The following PITPNA variants were observed in gnomAD, a reference collection of about 807,000 sequenced individuals.
PITPNA encodes the protein phosphatidylinositol transfer protein alpha isoform.
Under a neutral mutation model 50.3 loss-of-function variants are expected in PITPNA, and 13 were observed. The ratio of observed to expected loss-of-function variants is 0.26; its 90% CI spans 0.17 to 0.41. The LOEUF is 0.41. Among genes scored for constraint, PITPNA ranks in the 10% least tolerant of loss-of-function variants. The probability of loss-of-function intolerance (pLI) is 1.00; values close to 1 mark genes in which losing one functional copy is unlikely to be tolerated. For missense variants in PITPNA, 207 were observed against 333.4 expected, an observed-to-expected ratio of 0.62 and a Z score of 2.95; for synonymous variants, 120 against 119.6, an observed-to-expected ratio of 1.00 and a Z score of -0.02.
chr17:1,562,714 C>G lies in PITPNA; in HGVS notation c.-154G>C, dbSNP rs2075774813. ...GCCGCCCTCGCCGCGGTCGCCGCGC[C>G]GGCTCCTGCCGCCCGGGCCTCGTCG... On this transcript the variant is annotated 5_prime_UTR_variant, in exon 1 of 12. Transcript: ENST00000313486. The surrounding 1 kb of genome is among the most constrained non-coding windows in gnomAD (Gnocchi z 6.4). 1 of 323,084 alleles carries G rather than the reference C, an allele frequency of 3.1e-6. No individual in the cohort carries two copies. The highest frequency in any genetic ancestry group is 4.5e-6 in the Non-Finnish European group (1 of 220,266). The allele number at this position is 323,084 out of a possible 1,614,324, so 20.0% of individuals were successfully genotyped here.
Position 1,553,168 on chromosome 17 carries a change from T to C in PITPNA, c.52-19A>G. On this transcript the variant is annotated intron_variant, in intron 2 of 11. Coordinates refer to ENST00000313486, the MANE Select transcript of PITPNA (RefSeq NM_006224.4). ...CTTGATACTAAAGGACAGAGACAGATGTTATTCTCAACACGGACCCTTCTC... is the reference window on the plus strand; with the variant it reads ...CTTGATACTAAAGGACAGAGACAGACGTTATTCTCAACACGGACCCTTCTC... 2 of 1,613,620 alleles carry C rather than the reference T, an allele frequency of 1.2e-6. No individual in the cohort carries two copies. Among genetic ancestry groups the C allele is most frequent in the Non-Finnish European group, 1.7e-6 (2 of 1,179,722 alleles).
intron 10 of PITPNA, among the ~76,000 whole-genome samples, chr17:1,525,944 A>G (rs1335850773): frequency 6.6e-6 from 1 of 152,254 alleles, no homozygotes; most frequent in Non-Finnish European, 1.5e-5. Context: ...GCTCTATCCT[A>G]TGAGAAGGTC....
At chr17:1,543,821 C>T (rs373443997) in intron 4 of PITPNA, among the ~76,000 whole-genome samples, 7 of 152,292 alleles carry the variant, frequency 4.6e-5, no homozygotes, top group Admixed American at 1.3e-4. Context: ...CCATACCCAA[C>T]GAAAGACACT....
intron 1 of PITPNA, among the ~76,000 whole-genome samples, chr17:1,558,770 C>A (rs79806512): frequency 6.1e-5 from 1 of 16,470 alleles, no homozygotes; most frequent in Non-Finnish European, 1.3e-4. Flanking sequence ...TGTGACAACA[C>A]CCCCCCCCCG....
intron 1 of PITPNA, among the ~76,000 whole-genome samples, chr17:1,560,476 G>A (rs553001180): frequency 6.6e-6 from 1 of 152,322 alleles, no homozygotes; most frequent in South Asian, 2.1e-4. Flanking sequence ...GCAGATACCA[G>A]GCAGGCCCTG....
chr17:1,540,365 A>G (rs531158905), intron 6 of PITPNA, among the ~76,000 whole-genome samples: 1 of 152,290 alleles, frequency 6.6e-6, no homozygotes, highest in Non-Finnish European at 1.5e-5. Flanking sequence ...TCCCCAGTCT[A>G]GTAACAGCCA....
rs2075512738 is a variant in PITPNA at position 1,521,559 on chromosome 17, G to C, written c.*22+20C>G. The C allele has an allele frequency of 6.4e-6, 10 of 1,566,632 alleles. No individual in the cohort carries two copies. Among genetic ancestry groups the C allele is most frequent in the Non-Finnish European group, 8.8e-6 (10 of 1,136,608 alleles). ...GATTTTAGCGTCTGTGACACGCACAGTGAGAAATTTGGTACGTACAGTGCA... is the reference window on the plus strand; with the variant it reads ...GATTTTAGCGTCTGTGACACGCACACTGAGAAATTTGGTACGTACAGTGCA... On this transcript the variant is annotated intron_variant, in intron 11 of 11. Transcript: ENST00000313486.
At chr17:1,554,332 C>T (rs2075724316) in intron 2 of PITPNA, among the ~76,000 whole-genome samples, 1 of 150,356 alleles carries the variant, frequency 6.7e-6, no homozygotes, top group Non-Finnish European at 1.5e-5. Context: ...CAAAGGGTTT[C>T]CTCGAGCTCT....
chr17:1,534,289 T>A lies in PITPNA; in HGVS notation c.646-68A>T, dbSNP rs188194986. On this transcript the variant is annotated intron_variant, in intron 9 of 11. Coordinates refer to ENST00000313486, the MANE Select transcript of PITPNA (RefSeq NM_006224.4). ...GCTGCTGCCACAGCCCTTCTCTCCA[T>A]GCACTCCACACGAATACCCACACTA... The A allele has an allele frequency of 4.4e-6, 7 of 1,598,616 alleles. No individual in the cohort carries two copies. The East Asian group carries it at 1.6e-4, about 36-fold the overall frequency.
chr17:1,542,161 C>G (rs1050365385), intron 5 of PITPNA, among the ~76,000 whole-genome samples: 3 of 151,432 alleles, frequency 2.0e-5, no homozygotes, highest in African/African-American at 7.3e-5. Context: ...GATTGCACCA[C>G]TGCACTCCAG....
rs192655577 is a variant in PITPNA at position 1,518,115 on chromosome 17, G to A, written c.*2446C>T. On this transcript the variant is annotated 3_prime_UTR_variant, in exon 12 of 12. Transcript: ENST00000313486. ...TAATCAATTCTACAAAGTGTAGTTT[G>A]TAAAACAAGTAGCACTAGGAACCAA... is the stretch of plus-strand genomic sequence containing the variant. 6.5e-5 allele frequency: 10 copies of A among 152,770 alleles called. No homozygotes were observed. The East Asian group carries it at 1.7e-3, about 26-fold the overall frequency. 9.5% of individuals were successfully genotyped at this position (152,770 alleles called of 1,614,324 possible).
chr17:1,528,738 T>TA (rs58531367), intron 10 of PITPNA, among the ~76,000 whole-genome samples: 4,445 of 139,626 alleles, frequency 0.032, 220 homozygotes, highest in African/African-American at 0.1. Flanking sequence ...CTGTCTCTCT[T>TA]AAAAAAAAAA....
chr17:1,524,570 T>C (rs2075535634), intron 10 of PITPNA, among the ~76,000 whole-genome samples: 2 of 152,048 alleles, frequency 1.3e-5, no homozygotes, highest in African/African-American at 2.4e-5. Context: ...TAAGCCCCAA[T>C]TTCTATAATA....
chr17:1,522,071 C>CTTTTCCTTTTTTTT (rs751204255), intron 10 of PITPNA, among the ~76,000 whole-genome samples: 1 of 141,618 alleles, frequency 7.1e-6, no homozygotes, highest in Non-Finnish European at 1.5e-5. Context: ...TATGAAACAT[C>CTTTTCCTTTTTTTT]TTTTTTTTTT....
intron 10 of PITPNA, among the ~76,000 whole-genome samples, chr17:1,522,702 C>T (rs1321808830): frequency 2.0e-5 from 3 of 152,202 alleles, no homozygotes; most frequent in Admixed American, 6.5e-5. Flanking sequence ...GTGCTAGGGA[C>T]TTCCAGAGGG....
Position 1,558,517 on chromosome 17 carries a change from A to T in PITPNA, c.51+12T>A. The T allele has an allele frequency of 6.3e-7, 1 of 1,583,538 alleles. No individual in the cohort carries two copies. The highest frequency in any genetic ancestry group is 8.7e-7 in the Non-Finnish European group (1 of 1,153,164). On this transcript the variant is annotated intron_variant, in intron 2 of 11. Transcript: ENST00000313486. ...TACACACAACTATGGACCAGAAAGT[A>T]AAAGGACTTACCTCATCTACAGACA...
chr17:1,528,361 G>C (rs560609738), intron 10 of PITPNA, among the ~76,000 whole-genome samples: 59 of 152,246 alleles, frequency 3.9e-4, no homozygotes, highest in African/African-American at 1.3e-3. Flanking sequence ...GGCTGGTCTG[G>C]AACTTCTGAC....
At chr17:1,548,908 G>C (rs1478487679) in intron 3 of PITPNA, among the ~76,000 whole-genome samples, 1 of 151,330 alleles carries the variant, frequency 6.6e-6, no homozygotes. Context: ...CTTTTTTTTT[G>C]TTTGTTTGTT....
chr17:1,526,832 T>C (rs998093283), intron 10 of PITPNA, among the ~76,000 whole-genome samples: 7 of 152,248 alleles, frequency 4.6e-5, no homozygotes, highest in African/African-American at 7.2e-5. Flanking sequence ...TGGCATGATG[T>C]TGGCTCACTG....
Sources: allele counts gnomAD v4.1 joint callset (sites outside exome capture counted in the v4.1 genomes callset), GRCh38; gene constraint gnomAD v4.1.1; non-coding constraint Gnocchi (gnomAD v3.1); transcripts MANE v1.5; gene names NCBI Gene and HGNC (gene_info 2026-07-23, HGNC 2026-07-21).